The following FAM81B variants were observed in gnomAD, a reference collection of about 807,000 sequenced individuals.
FAM81B encodes the protein protein FAM81B.
In FAM81B, 60 loss-of-function variants were observed where a neutral mutation model predicts 58.7. The observed-to-expected ratio is 1.02, with a 90% CI of 0.83 to 1.27. FAM81B has a LOEUF of 1.27. Among genes scored for constraint, FAM81B ranks in the 50% most tolerant of loss-of-function variants. The pLI, the probability that FAM81B is intolerant of heterozygous loss-of-function variation, is 0.00. For synonymous variants in FAM81B, 189 were observed against 179.6 expected, an observed-to-expected ratio of 1.05 and a Z score of -0.42; for missense variants, 491 against 522.0, an observed-to-expected ratio of 0.94 and a Z score of 0.58.
Position 95,391,443 on chromosome 5 carries a change from A to G in FAM81B, c.54A>G (p.Ser18=), listed in dbSNP as rs747899251. 1 of 1,613,796 alleles carries G rather than the reference A, an allele frequency of 6.2e-7. No individual in the cohort carries two copies. Among genetic ancestry groups the G allele is most frequent in the Non-Finnish European group, 8.5e-7 (1 of 1,179,766 alleles). The part of the protein sequence containing the change: ...TLASSEKRKK[S]QRLFFKNIKS... ...CTTCCTCAGAAAAAAGAAAAAAATC[A>G]CAGAGATTGTTTTTCAAAAATATCA... is the stretch of plus-strand genomic sequence containing the variant. The change falls in exon 1 of 10, where the codon TCA becomes TCG. Residue 18 remains serine (S), a synonymous_variant. Coordinates refer to ENST00000283357, the MANE Select transcript of FAM81B (RefSeq NM_152548.3).
At chr5:95,399,974 G>A (rs1237607206) in intron 3 of FAM81B, among the ~76,000 whole-genome samples, 4 of 152,154 alleles carry the variant, frequency 2.6e-5, no homozygotes, top group Non-Finnish European at 5.9e-5. Context: ...GCTGCTGAGT[G>A]ACTCATAGCC....
Position 95,449,161 on chromosome 5 carries a change from T to C in FAM81B, c.1225+697T>C, listed in dbSNP as rs73143944. Among the ~76,000 whole-genome samples, 405 of 152,274 alleles carry C rather than the reference T, an allele frequency of 2.7e-3. 1 individual carries two copies. Among genetic ancestry groups the C allele is most frequent in the Middle Eastern group, 0.014 (4 of 294 alleles). Reference sequence around the variant, plus strand: ...AATTTTTTTTCTTTTGTCTTCTAGATCTCAGAAAAATTCATGTGTAAATTC... The same window carrying C: ...AATTTTTTTTCTTTTGTCTTCTAGACCTCAGAAAAATTCATGTGTAAATTC... On this transcript the variant is annotated intron_variant, in intron 9 of 9. Transcript: ENST00000283357.
chr5:95,418,271 A>G (rs1762587064), intron 4 of FAM81B, among the ~76,000 whole-genome samples: 1 of 152,140 alleles, frequency 6.6e-6, no homozygotes, highest in African/African-American at 2.4e-5. Flanking sequence ...TGTTCAGGTA[A>G]CCCTTATTTT....
chr5:95,410,432 A>G (rs1407438670), intron 3 of FAM81B, among the ~76,000 whole-genome samples: 1 of 152,180 alleles, frequency 6.6e-6, no homozygotes, highest in Non-Finnish European at 1.5e-5. Context: ...CCCGCAGTCC[A>G]GAAAATGCTA....
chr5:95,441,212 C>T (rs142326858), intron 7 of FAM81B, among the ~76,000 whole-genome samples: 2,221 of 152,214 alleles, frequency 0.015, 48 homozygotes, highest in African/African-American at 0.05. Flanking sequence ...CCATTCCTGA[C>T]GGCCAAGCAC....
intron 3 of FAM81B, among the ~76,000 whole-genome samples, chr5:95,397,495 C>T (rs1761994786): frequency 6.6e-6 from 1 of 152,170 alleles, no homozygotes. Flanking sequence ...TTCTTCTGAT[C>T]CGTCAAATTC....
intron 5 of FAM81B, among the ~76,000 whole-genome samples, chr5:95,423,652 T>C (rs1321832544): frequency 1.3e-5 from 2 of 151,902 alleles, no homozygotes; most frequent in African/African-American, 4.8e-5. Flanking sequence ...ACAGGCCTGG[T>C]CAGAGAGGGC....
intron 7 of FAM81B, chr5:95,440,403 G>A: frequency 1.5e-6 from 1 of 677,816 alleles, no homozygotes; most frequent in Middle Eastern, 2.6e-4. Context: ...ATGTCATGAC[G>A]ATTACCTGGT....
At chr5:95,428,796 A>G (rs1762921211) in intron 6 of FAM81B, 64 bp downstream of exon 6, 5 of 1,598,622 alleles carry the variant, frequency 3.1e-6, no homozygotes, top group Non-Finnish European at 4.3e-6. Flanking sequence ...ATTATAGCTT[A>G]TCAAAATGCC....
intron 9 of FAM81B, 30 bp from the exon 10 acceptor site, chr5:95,450,119 A>G (rs1015738975): frequency 1.3e-6 from 2 of 1,585,118 alleles, no homozygotes; most frequent in Non-Finnish European, 1.7e-6. Flanking sequence ...TGCATTGTTT[A>G]AGTGTACCTA....
At chr5:95,409,954 A>AG (rs1463079739) in intron 3 of FAM81B, among the ~76,000 whole-genome samples, 2 of 152,234 alleles carry the variant, frequency 1.3e-5, no homozygotes, top group African/African-American at 4.8e-5. Flanking sequence ...TCAATCCAGT[A>AG]GACGTTTTCT....
intron 7 of FAM81B, among the ~76,000 whole-genome samples, chr5:95,444,942 A>C (rs928832899): frequency 1.3e-5 from 2 of 152,172 alleles, no homozygotes; most frequent in Non-Finnish European, 1.5e-5. Flanking sequence ...TACCCACTAG[A>C]TGCCAGTAAC....
At chr5:95,410,264 T>C (rs1762372419) in intron 3 of FAM81B, among the ~76,000 whole-genome samples, 1 of 152,100 alleles carries the variant, frequency 6.6e-6, no homozygotes, top group South Asian at 2.1e-4. Context: ...ATACTATGAG[T>C]GGGCCAGGAA....
At chr5:95,392,738 C>G (rs1761860329) in intron 1 of FAM81B, 56 bp from the exon 2 acceptor site, 1 of 1,461,022 alleles carries the variant, frequency 6.8e-7, no homozygotes, top group South Asian at 1.3e-5. Context: ...ATTAGCAGCA[C>G]TGCAAAAATT....
At position 95,440,777 on chromosome 5, in the gene FAM81B, T is replaced by A. The variant is rs1437557239; in HGVS notation, c.893+3871T>A. On this transcript the variant is annotated intron_variant, in intron 7 of 9. Coordinates refer to ENST00000283357, the MANE Select transcript of FAM81B (RefSeq NM_152548.3). ...CATGTTTGAAAATCAAACGTCACAT[T>A]TTGCGGGGAGGAATCCCAGAAAAGT... 5 of 307,242 alleles carry A rather than the reference T, an allele frequency of 1.6e-5. No homozygotes were observed. In the South Asian group the frequency reaches 1.8e-4, roughly 11 times the overall value. 19.0% of individuals were successfully genotyped at this position (307,242 alleles called of 1,614,324 possible).
At chr5:95,434,234 A>G (rs1006733278) in intron 6 of FAM81B, among the ~76,000 whole-genome samples, 2 of 152,120 alleles carry the variant, frequency 1.3e-5, no homozygotes, top group Non-Finnish European at 2.9e-5. Flanking sequence ...AGGCTTTGGG[A>G]ATGAATCCTG....
intron 7 of FAM81B, among the ~76,000 whole-genome samples, chr5:95,438,228 C>T (rs1376136592): frequency 6.6e-6 from 1 of 152,132 alleles, no homozygotes; most frequent in Non-Finnish European, 1.5e-5. Context: ...AGCATTTCTA[C>T]TTTCTTAAAT....
chr5:95,407,574 G>A (rs1287810236), intron 3 of FAM81B, among the ~76,000 whole-genome samples: 2 of 152,184 alleles, frequency 1.3e-5, no homozygotes, highest in Admixed American at 1.3e-4. Flanking sequence ...TCTCTAGAGA[G>A]ATGCCATATA....
At position 95,392,793 on chromosome 5, in the gene FAM81B, G is replaced by C. The variant is rs1325874201; in HGVS notation, c.125-1G>C. 1.2e-6 allele frequency: 2 copies of C among 1,606,168 alleles called. No homozygotes were observed. Among genetic ancestry groups the C allele is most frequent in the African/African-American group, 1.3e-5 (1 of 74,660 alleles). On this transcript the variant is annotated splice_acceptor_variant, in intron 1 of 9. Transcript: ENST00000283357. LOFTEE classifies it high-confidence loss of function. ...CCTGATTCAGCATTCTGGTTACCTAGATACAAATGTAAACAAAAGTGCCTC... is the reference window on the plus strand; with the variant it reads ...CCTGATTCAGCATTCTGGTTACCTACATACAAATGTAAACAAAAGTGCCTC...
Sources: allele counts gnomAD v4.1 joint callset (sites outside exome capture counted in the v4.1 genomes callset), GRCh38; gene constraint gnomAD v4.1.1; transcripts MANE v1.5; gene names NCBI Gene and HGNC (gene_info 2026-07-23, HGNC 2026-07-21).